LRP6: variants seen among roughly 807,000 people sequenced by gnomAD.
LRP6 encodes LDL receptor related protein 6, also known as low-density lipoprotein receptor-related protein 6.
Under a neutral mutation model 184.1 loss-of-function variants are expected in LRP6, and 43 were observed. The ratio of observed to expected loss-of-function variants is 0.23; its 90% CI spans 0.18 to 0.30. The LOEUF (loss-of-function observed/expected upper bound fraction) is 0.30, where lower values mean the gene tolerates loss of function less well. Ranked by LOEUF, LRP6 falls within the 10% of genes least tolerant of loss-of-function variation. LRP6 has a pLI of 1.00. For synonymous variants in LRP6, 719 were observed against 684.9 expected (o/e 1.05, Z -0.78); for missense variants, 1,571 against 2,005.3 (o/e 0.78, Z 4.14).
chr12:12,266,760 T>G lies in LRP6; in HGVS notation c.-25A>C. The G allele has an allele frequency of 6.2e-7, 1 of 1,604,840 alleles. No individual in the cohort carries two copies. On this transcript the variant is annotated 5_prime_UTR_variant, in exon 1 of 23. An upstream open reading frame in the 5' UTR loses its in-frame stop. Coordinates refer to ENST00000261349, the MANE Select transcript of LRP6 (RefSeq NM_002336.3). Reference sequence around the variant, plus strand: ...TCTTCCCTTCTCGCGTTCTCTTCTCTCACCGGCGAGGGGTGGCCAGAAGTG... The same window carrying G: ...TCTTCCCTTCTCGCGTTCTCTTCTCGCACCGGCGAGGGGTGGCCAGAAGTG...
intron 15 of LRP6, chr12:12,138,767 T>C (rs994362275): frequency 6.0e-6 from 9 of 1,493,140 alleles, no homozygotes; most frequent in African/African-American, 1.4e-5. Context: ...GTAAATATTC[T>C]AGTTCATAGA....
chr12:12,186,589 A>G (rs1863481092), intron 4 of LRP6, among the ~76,000 whole-genome samples: 1 of 151,522 alleles, frequency 6.6e-6, no homozygotes, highest in Non-Finnish European at 1.5e-5. Context: ...CAGGTTGGCC[A>G]GGCTGGTCTC....
chr12:12,165,505 CA>C (rs1862857251), intron 7 of LRP6, among the ~76,000 whole-genome samples: 3 of 152,168 alleles, frequency 2.0e-5, no homozygotes, highest in African/African-American at 7.2e-5. Context: ...CCCCCAATCT[CA>C]TATTACTCTT....
At chr12:12,190,562 T>C (rs970612956) in intron 3 of LRP6, among the ~76,000 whole-genome samples, 1 of 152,222 alleles carries the variant, frequency 6.6e-6, no homozygotes, top group Non-Finnish European at 1.5e-5. Flanking sequence ...CTCTTTGAGA[T>C]TCTTTGAACT....
intron 1 of LRP6, among the ~76,000 whole-genome samples, chr12:12,260,098 G>T (rs1166675298): frequency 6.6e-6 from 1 of 152,024 alleles, no homozygotes; most frequent in Non-Finnish European, 1.5e-5. Context: ...ATAAATTTAG[G>T]CCAGGCGCGG....
chr12:12,191,143 C>T (rs1192970656), intron 3 of LRP6, among the ~76,000 whole-genome samples: 1 of 152,122 alleles, frequency 6.6e-6, no homozygotes, highest in African/African-American at 2.4e-5. Flanking sequence ...GTGTTCTGGC[C>T]ACTTCAAGAG....
intron 1 of LRP6, among the ~76,000 whole-genome samples, chr12:12,264,867 G>C (rs991269376): frequency 1.1e-4 from 16 of 152,236 alleles, no homozygotes; most frequent in African/African-American, 3.1e-4. Flanking sequence ...TGAAAACTTT[G>C]CTAGTGGAAA....
intron 4 of LRP6, among the ~76,000 whole-genome samples, chr12:12,185,850 T>G (rs1863457525): frequency 1.3e-5 from 2 of 150,810 alleles, no homozygotes; most frequent in South Asian, 4.2e-4. Context: ...GTTTTTTGTT[T>G]TTTTTTTTTT....
intron 1 of LRP6, among the ~76,000 whole-genome samples, chr12:12,259,822 C>A (rs2135943850): frequency 6.6e-6 from 1 of 152,278 alleles, no homozygotes; most frequent in African/African-American, 2.4e-5. Flanking sequence ...GTGAGGCTTA[C>A]TTTATAGAAG....
At chr12:12,132,891 ATGAC>A (rs887471839) in intron 17 of LRP6, among the ~76,000 whole-genome samples, 8 of 152,230 alleles carry the variant, frequency 5.3e-5, no homozygotes, top group African/African-American at 1.2e-4. Context: ...ACTTGAAAGA[ATGAC>A]TGACAGGTAA....
At position 12,213,066 on chromosome 12, in the gene LRP6, T is replaced by A. The variant is rs564864732; in HGVS notation, c.450-9666A>T. 2.1e-3 allele frequency among the ~76,000 whole-genome samples: 323 copies of A among 152,320 alleles called. 2 individuals are homozygous for A. Among genetic ancestry groups the A allele is most frequent in the African/African-American group, 7.6e-3 (314 of 41,572 alleles). ...TAATGGGAAGAAACTGGTTTCATCATCTGGAGTAAATATTTTTTTCAGTGA... is the reference window on the plus strand; with the variant it reads ...TAATGGGAAGAAACTGGTTTCATCAACTGGAGTAAATATTTTTTTCAGTGA... On this transcript the variant is annotated intron_variant, in intron 2 of 22. Transcript: ENST00000261349.
At chr12:12,140,840 G>C (rs915058832) in intron 15 of LRP6, among the ~76,000 whole-genome samples, 16 of 152,096 alleles carry the variant, frequency 1.1e-4, no homozygotes, top group Non-Finnish European at 1.5e-4. Context: ...CTGACCTCAT[G>C]ATCTGCCCGC....
At chr12:12,128,788 C>T (rs571673147) in intron 19 of LRP6, among the ~76,000 whole-genome samples, 1 of 152,290 alleles carries the variant, frequency 6.6e-6, no homozygotes, top group Admixed American at 6.5e-5. Context: ...CTATATATCC[C>T]ATTTAATGAC....
intron 7 of LRP6, among the ~76,000 whole-genome samples, chr12:12,169,417 G>C (rs1182875809): frequency 6.6e-6 from 1 of 152,080 alleles, no homozygotes; most frequent in Non-Finnish European, 1.5e-5. Flanking sequence ...GAAATACTTT[G>C]CTCATCTTCA....
At chr12:12,230,122 A>C (rs556081578) in intron 2 of LRP6, among the ~76,000 whole-genome samples, 203 of 152,326 alleles carry the variant, frequency 1.3e-3, no homozygotes, top group African/African-American at 4.4e-3. Context: ...AAGGTAGAAG[A>C]TGAGCTTCAT....
rs1227901139 is a variant in LRP6, at chr12:12,117,816, C to T, written c.*3310G>A. On this transcript the variant is annotated 3_prime_UTR_variant, in exon 23 of 23. Transcript: ENST00000261349. The stretch of plus-strand genomic sequence containing the variant: ...TACAGATGATGGCTATTTTTAATAC[C>T]TTCAATAATGAATGAGTTTCCTTCA... 6.6e-6 allele frequency: 1 copy of T among 152,132 alleles called. No homozygotes were observed. The highest frequency in any genetic ancestry group is 6.5e-5 in the Admixed American group (1 of 15,272). The allele number at this position is 152,132 out of a possible 1,614,324, so 9.4% of individuals were successfully genotyped here. A position where few individuals can be genotyped will look rare whatever the true frequency, so the allele number is the denominator to read the frequency against.
chr12:12,155,326 A>G (rs144367006), intron 12 of LRP6: 273 of 758,214 alleles, frequency 3.6e-4, no homozygotes, highest in Non-Finnish European at 5.7e-4. Flanking sequence ...TTTAGAAAGC[A>G]TGGAGTTGTT....
rs551777337 is a variant in LRP6 at position 12,118,406 on chromosome 12, A to C, written c.*2720T>G. On this transcript the variant is annotated 3_prime_UTR_variant, in exon 23 of 23. Coordinates refer to ENST00000261349, the MANE Select transcript of LRP6 (RefSeq NM_002336.3). Reference sequence around the variant, plus strand: ...GTTTATTTCTTGGACAATTTTAATCACATCAGTTAGTGCATATATTTTAGG... The same window carrying C: ...GTTTATTTCTTGGACAATTTTAATCCCATCAGTTAGTGCATATATTTTAGG... 124 of 152,372 alleles carry C rather than the reference A, an allele frequency of 8.1e-4. No individual in the cohort carries two copies. Among genetic ancestry groups the C allele is most frequent in the African/African-American group, 2.8e-3 (116 of 41,594 alleles). 9.4% of individuals were successfully genotyped at this position (152,372 alleles called of 1,614,324 possible).
chr12:12,151,555 C>T (rs1012794535), intron 12 of LRP6, among the ~76,000 whole-genome samples: 1 of 151,956 alleles, frequency 6.6e-6, no homozygotes, highest in Non-Finnish European at 1.5e-5. Context: ...CCTCTCTAGG[C>T]CAAAGTTTAC....
Sources: gnomAD v4.1 joint callset for allele counts (sites outside exome capture counted in the v4.1 genomes callset) on GRCh38, gnomAD v4.1.1 for gene constraint, MANE v1.5 for transcripts, NCBI Gene and HGNC (gene_info 2026-07-23, HGNC 2026-07-21) for gene names.